The following SLC1A2 variants were observed in gnomAD, a reference collection of about 807,000 sequenced individuals.
SLC1A2 encodes solute carrier family 1 member 2.
In SLC1A2, 15 loss-of-function variants were observed where a neutral mutation model predicts 48.8. The ratio of observed to expected loss-of-function variants is 0.31; its 90% confidence interval spans 0.21 to 0.47. The LOEUF (loss-of-function observed/expected upper bound fraction) is 0.47, where lower values mean the gene tolerates loss of function less well. SLC1A2 is among the 20% of genes least tolerant of loss of function. The probability of loss-of-function intolerance (pLI) is 0.99; values close to 1 mark genes in which losing one functional copy is unlikely to be tolerated. For synonymous variants in SLC1A2, 279 were observed against 272.6 expected (o/e 1.02, Z -0.23); for missense variants, 502 against 730.5 (o/e 0.69, Z 3.61).
In SLC1A2 at chr11:35,260,861, A is replaced by T; in HGVS notation, c.*33T>A. On this transcript the variant is annotated 3_prime_UTR_variant, in exon 11 of 11. Coordinates refer to ENST00000278379, the MANE Select transcript of SLC1A2 (RefSeq NM_004171.4). The stretch of plus-strand genomic sequence containing the variant: ...TCAGTTACCATAGGATACGCTGGGG[A>T]GTTTATTCAAGAATTTGCTGAGACT... The T allele has an allele frequency of 7.1e-7, 1 of 1,416,930 alleles. No individual in the cohort carries two copies. 87.8% of individuals were successfully genotyped at this position (1,416,930 alleles called of 1,614,324 possible). A position where few individuals can be genotyped will look rare whatever the true frequency, so the allele number is the denominator to read the frequency against.
chr11:35,395,714 T>A (rs1476444525), intron 1 of SLC1A2, among the ~76,000 whole-genome samples: 1 of 150,246 alleles, frequency 6.7e-6, no homozygotes, highest in Non-Finnish European at 1.5e-5. Context: ...TTAGGGTACA[T>A]GTGCACATTG....
chr11:35,408,416 G>T (rs890050090), intron 1 of SLC1A2, among the ~76,000 whole-genome samples: 1 of 152,162 alleles, frequency 6.6e-6, no homozygotes, highest in African/African-American at 2.4e-5. Context: ...TCTTTCCCAT[G>T]GTATTCTCGT....
intron 9 of SLC1A2, among the ~76,000 whole-genome samples, chr11:35,268,138 T>C (rs1461819563): frequency 6.6e-6 from 1 of 152,198 alleles, no homozygotes; most frequent in African/African-American, 2.4e-5. Flanking sequence ...CTTGGAAAAA[T>C]AAACTTCTAA....
intron 1 of SLC1A2, among the ~76,000 whole-genome samples, chr11:35,334,946 A>G (rs1459721826): frequency 6.6e-6 from 1 of 152,194 alleles, no homozygotes; most frequent in Admixed American, 6.5e-5. Flanking sequence ...ATGAGAAAGC[A>G]AAGTTAAGTA....
chr11:35,368,048 A>C (rs1382348986), intron 1 of SLC1A2, among the ~76,000 whole-genome samples: 3 of 152,238 alleles, frequency 2.0e-5, no homozygotes, highest in African/African-American at 7.2e-5. Context: ...AGCACCACCT[A>C]ATCAAAGTTT....
Position 35,293,764 on chromosome 11 carries a change from G to A in SLC1A2, c.858-1244C>T, listed in dbSNP as rs115764379. On this transcript the variant is annotated intron_variant, in intron 6 of 10. Coordinates refer to ENST00000278379, the MANE Select transcript of SLC1A2 (RefSeq NM_004171.4). ...GTAAGATCTATACAGACTTGCAATT[G>A]TGCCTGGAGCAAACACTTTCCTGGA... 3.8e-3 allele frequency among the ~76,000 whole-genome samples: 584 copies of A among 152,272 alleles called. 3 individuals carry two copies. The highest frequency in any genetic ancestry group is 0.013 in the African/African-American group (556 of 41,554).
intron 1 of SLC1A2, among the ~76,000 whole-genome samples, chr11:35,324,216 C>T (rs115449426): frequency 0.024 from 3,613 of 152,286 alleles, 137 homozygotes; most frequent in African/African-American, 0.082. Flanking sequence ...GCTGCAAAGA[C>T]AAAGTAGCAG....
In SLC1A2 at chr11:35,301,652, G is replaced by A. The variant is rs1268976340; in HGVS notation, c.731-7C>T. ...ATGAAAAACCCTATCAGACCTGTTG[G>A]ATGAATCACATTACATAGAAGGACA... On this transcript the variant is annotated splice_polypyrimidine_tract_variant and splice_region_variant and intron_variant, in intron 5 of 10. Coordinates refer to ENST00000278379, the MANE Select transcript of SLC1A2 (RefSeq NM_004171.4). 1 of 1,612,512 alleles carries A rather than the reference G, an allele frequency of 6.2e-7. No individual in the cohort carries two copies. The highest frequency in any genetic ancestry group is 2.2e-5 in the East Asian group (1 of 44,858).
At chr11:35,362,958 T>C (rs1853729617) in intron 1 of SLC1A2, among the ~76,000 whole-genome samples, 1 of 152,236 alleles carries the variant, frequency 6.6e-6, no homozygotes, top group African/African-American at 2.4e-5. Flanking sequence ...TTGGCTTGTT[T>C]GAATCTTTCA....
intron 6 of SLC1A2, among the ~76,000 whole-genome samples, chr11:35,296,597 G>T (rs1200538643): frequency 1.3e-5 from 2 of 152,054 alleles, no homozygotes; most frequent in Non-Finnish European, 2.9e-5. Flanking sequence ...TCTGCCTCCT[G>T]CCCACCTCTC....
intron 10 of SLC1A2, among the ~76,000 whole-genome samples, chr11:35,262,456 C>A (rs1371029725): frequency 1.3e-5 from 2 of 152,224 alleles, no homozygotes; most frequent in Admixed American, 6.5e-5. Context: ...ACCTGTCCCA[C>A]TTCTCTCTGC....
chr11:35,275,839 C>T (rs1191209545), intron 9 of SLC1A2, among the ~76,000 whole-genome samples: 1 of 152,122 alleles, frequency 6.6e-6, no homozygotes, highest in African/African-American at 2.4e-5. Context: ...TAGGGAATGG[C>T]CAGTTGCACC....
At chr11:35,418,715 C>A (rs999992605) in intron 1 of SLC1A2, 3 of 556,962 alleles carry the variant, frequency 5.4e-6, no homozygotes, top group South Asian at 2.2e-5. Context: ...CGCACCTTAC[C>A]CTTTTTATCA....
chr11:35,301,957 T>C (rs1445775796), intron 5 of SLC1A2, among the ~76,000 whole-genome samples: 2 of 152,222 alleles, frequency 1.3e-5, no homozygotes, highest in South Asian at 2.1e-4. Flanking sequence ...TATGAAATCA[T>C]GTGTAAGCAG....
chr11:35,341,122 A>G (rs7939095), intron 1 of SLC1A2, among the ~76,000 whole-genome samples: 2,802 of 152,318 alleles, frequency 0.018, 72 homozygotes, highest in African/African-American at 0.063. Context: ...CTATCTGAAT[A>G]GAGGCTGGAA....
chr11:35,322,636 T>C, intron 1 of SLC1A2: 1 of 1,535,190 alleles, frequency 6.5e-7, no homozygotes, highest in South Asian at 1.2e-5. Flanking sequence ...ACTGGGGAGA[T>C]AAAGATGTCC....
chr11:35,323,225 T>C, intron 1 of SLC1A2: 1 of 185,282 alleles, frequency 5.4e-6, no homozygotes, highest in East Asian at 1.6e-4. Flanking sequence ...AAGAATACAG[T>C]GTATAGCTAT....
chr11:35,406,772 A>G (rs1855308377), intron 1 of SLC1A2, among the ~76,000 whole-genome samples: 1 of 152,202 alleles, frequency 6.6e-6, no homozygotes, highest in South Asian at 2.1e-4. Context: ...GTTCCATTGT[A>G]CTATGATAAT....
At chr11:35,357,256 CAAAAAA>C (rs531883065) in intron 1 of SLC1A2, among the ~76,000 whole-genome samples, 1 of 98,212 alleles carries the variant, frequency 1.0e-5, no homozygotes, top group Non-Finnish European at 2.1e-5. Flanking sequence ...GACTCTATAT[CAAAAAA>C]AAAAAAAAAA....
Sources: allele counts gnomAD v4.1 joint callset (sites outside exome capture counted in the v4.1 genomes callset), GRCh38; gene constraint gnomAD v4.1.1; transcripts MANE v1.5; gene names NCBI Gene and HGNC (gene_info 2026-07-23, HGNC 2026-07-21).